Variants in PTGR2 observed in about 807,000 individuals in gnomAD.
PTGR2 encodes 15-oxoprostaglandin 13-reductase.
In PTGR2, 32 loss-of-function variants were observed where a neutral mutation model predicts 43.4. The ratio of observed to expected loss-of-function variants is 0.74; its 90% confidence interval spans 0.56 to 0.99. The LOEUF (loss-of-function observed/expected upper bound fraction) is 0.99, where lower values mean the gene tolerates loss of function less well. PTGR2 is among the 50% of genes least tolerant of loss of function. PTGR2 has a pLI of 0.00. For synonymous variants in PTGR2, 106 were observed against 139.2 expected, an observed-to-expected ratio of 0.76 and a Z score of 1.68; for missense variants, 373 against 420.0, an observed-to-expected ratio of 0.89 and a Z score of 0.98.
chr14:73,882,294 T>G, intron 8 of PTGR2, 105 bp from the exon 9 acceptor site: 1 of 700,878 alleles, frequency 1.4e-6, no homozygotes, highest in Non-Finnish European at 2.5e-6. Context: ...TATCTATTTT[T>G]AGACAAAGTG....
rs200670094 is a variant in PTGR2 at position 73,857,238 on chromosome 14, G to GTTTTT, written c.-47-1568_-47-1564dup. On this transcript the variant is annotated intron_variant, in intron 1 of 9. Coordinates refer to ENST00000555661, the MANE Select transcript of PTGR2 (RefSeq NM_001146154.2). ...TCAGCTAAACTATAAAGGAATTTCCGTTTTTTTTTTTTTTAATTCACCACT... is the reference window on the plus strand; with the variant it reads ...TCAGCTAAACTATAAAGGAATTTCCGTTTTTTTTTTTTTTTTTTTAATTCACCACT... Among the ~76,000 whole-genome samples, 936 of 144,540 alleles carry GTTTTT rather than the reference G, an allele frequency of 6.5e-3. 8 individuals carry two copies. Among genetic ancestry groups the GTTTTT allele is most frequent in the African/African-American group, 0.023 (907 of 38,712 alleles). The allele number at this position is 144,540 out of a possible 152,430, so 94.8% of individuals were successfully genotyped here. A position where few individuals can be genotyped will look rare whatever the true frequency, so the allele number is the denominator to read the frequency against.
chr14:73,860,359 C>T (rs948776497), intron 2 of PTGR2, among the ~76,000 whole-genome samples, 180 bp from the exon 3 acceptor site: 5 of 151,812 alleles, frequency 3.3e-5, no homozygotes, highest in Admixed American at 1.3e-4. Flanking sequence ...CCCAGCTACT[C>T]GGGAGGCTGA....
At chr14:73,869,426 G>T (rs2140254242) in intron 3 of PTGR2, among the ~76,000 whole-genome samples, 1 of 151,858 alleles carries the variant, frequency 6.6e-6, no homozygotes, top group South Asian at 2.1e-4. Context: ...GGAGGCTGAG[G>T]CGGGAGGATC....
At chr14:73,869,842 A>G (rs902292719) in intron 3 of PTGR2, among the ~76,000 whole-genome samples, 5 of 152,082 alleles carry the variant, frequency 3.3e-5, no homozygotes, top group Non-Finnish European at 7.4e-5. Context: ...CCTGGCCAAC[A>G]TGGTGAAACA....
chr14:73,857,052 A>G (rs1438199440), intron 1 of PTGR2, among the ~76,000 whole-genome samples: 2 of 151,816 alleles, frequency 1.3e-5, no homozygotes, highest in African/African-American at 2.4e-5. Flanking sequence ...TGGGAGGATC[A>G]CTTGAGCCCA....
intron 3 of PTGR2, among the ~76,000 whole-genome samples, chr14:73,873,011 T>C (rs554876257): frequency 6.6e-5 from 10 of 151,546 alleles, no homozygotes; most frequent in African/African-American, 1.9e-4. Context: ...TACAACATGA[T>C]GTTTTGAAAT....
At position 73,879,083 on chromosome 14, in the gene PTGR2, A is replaced by G. The variant is rs751141107; in HGVS notation, c.520-13A>G. 1.9e-6 allele frequency: 3 copies of G among 1,610,494 alleles called. No homozygotes were observed. Among genetic ancestry groups the G allele is most frequent in the Non-Finnish European group, 2.5e-6 (3 of 1,177,568 alleles). On this transcript the variant is annotated splice_polypyrimidine_tract_variant and intron_variant, in intron 5 of 9. Coordinates refer to ENST00000555661, the MANE Select transcript of PTGR2 (RefSeq NM_001146154.2). Reference sequence around the variant, plus strand: ...CAATATAAAGCCATTTAATCTTCAAATTTCCCCCCTAGATTGGCCATTTCT... The same window carrying G: ...CAATATAAAGCCATTTAATCTTCAAGTTTCCCCCCTAGATTGGCCATTTCT...
chr14:73,861,266 G>A (rs1049429922), intron 3 of PTGR2: 4 of 152,174 alleles, frequency 2.6e-5, no homozygotes, highest in Non-Finnish European at 4.4e-5. Context: ...ATAAGATTTA[G>A]TGAAAACGTA....
At chr14:73,874,569 G>A in intron 4 of PTGR2, 1 of 458,646 alleles carries the variant, frequency 2.2e-6, no homozygotes, top group Non-Finnish European at 4.4e-6. Context: ...TTCTTTGCTT[G>A]TTTGTTTGTT....
intron 4 of PTGR2, chr14:73,874,751 A>G: frequency 5.5e-6 from 2 of 361,798 alleles, no homozygotes; most frequent in Admixed American, 7.2e-5. Flanking sequence ...AAAAAGGGAA[A>G]GGGGAGGAAT....
At chr14:73,867,103 AAAAAAC>A (rs2054616368) in intron 3 of PTGR2, among the ~76,000 whole-genome samples, 1 of 139,558 alleles carries the variant, frequency 7.2e-6, no homozygotes, top group Admixed American at 7.6e-5. Context: ...AAAAAAAAAA[AAAAAAC>A]AAAAAAACAA....
chr14:73,883,806 A>AT (rs555731732), intron 9 of PTGR2, among the ~76,000 whole-genome samples: 18 of 148,434 alleles, frequency 1.2e-4, no homozygotes, highest in East Asian at 5.9e-4. Context: ...TTTTATTCCC[A>AT]TTTTTTTTTG....
In PTGR2 at chr14:73,874,171, C is replaced by G; in HGVS notation, c.305C>G (p.Pro102Arg). 6.2e-7 allele frequency: 1 copy of G among 1,613,816 alleles called. No homozygotes were observed. The highest frequency in any genetic ancestry group is 8.5e-7 in the Non-Finnish European group (1 of 1,179,942). Residue 102 changes from proline to arginine, a missense_variant, in exon 4 of 10, where the codon CCC becomes CGC. Physicochemically the swap from Pro to Arg is moderately radical, Grantham distance 103 (BLOSUM62 -2). Coordinates refer to ENST00000555661, the MANE Select transcript of PTGR2 (RefSeq NM_001146154.2). ...KGDFVTSFYWPWQTKVILDGN... is the reference protein window; with the variant it reads ...KGDFVTSFYWRWQTKVILDGN... Reference sequence around the variant, plus strand: ...GATTTTGTGACTTCTTTCTATTGGCCCTGGCAAACCAAGGTTATTCTGGAT... The same window carrying G: ...GATTTTGTGACTTCTTTCTATTGGCGCTGGCAAACCAAGGTTATTCTGGAT...
intron 3 of PTGR2, among the ~76,000 whole-genome samples, chr14:73,866,720 C>T (rs2054603087): frequency 6.6e-6 from 1 of 151,988 alleles, no homozygotes; most frequent in African/African-American, 2.4e-5. Context: ...GATTGGTGGA[C>T]TGAAAAAAGC....
intron 3 of PTGR2, among the ~76,000 whole-genome samples, chr14:73,870,015 A>G (rs10438164): frequency 0.016 from 2,407 of 149,828 alleles, 55 homozygotes; most frequent in African/African-American, 0.056. Flanking sequence ...TGAGTGACAG[A>G]GACTCCGTCT....
At chr14:73,881,772 CTTTTTTTTTTTTTTTTT>C (rs57377878) in intron 8 of PTGR2, among the ~76,000 whole-genome samples, 1 of 69,242 alleles carries the variant, frequency 1.4e-5, no homozygotes, top group African/African-American at 6.9e-5. Flanking sequence ...CTAGGCTATT[CTTTTTTTTTTTTTTTTT>C]TTTTTTTTTT....
intron 3 of PTGR2, among the ~76,000 whole-genome samples, chr14:73,866,152 C>A (rs2054592529): frequency 6.6e-6 from 1 of 152,140 alleles, no homozygotes; most frequent in African/African-American, 2.4e-5. Flanking sequence ...CAGGCACCCA[C>A]CACCACACCT....
intron 4 of PTGR2, 93 bp from the exon 5 acceptor site, chr14:73,876,905 G>T: frequency 1.2e-6 from 1 of 845,094 alleles, no homozygotes; most frequent in Non-Finnish European, 1.9e-6. Flanking sequence ...AAATGTTGTG[G>T]GGACGCAATT....
intron 3 of PTGR2, among the ~76,000 whole-genome samples, chr14:73,863,478 C>T (rs2054538292): frequency 6.6e-6 from 1 of 151,742 alleles, no homozygotes; most frequent in African/African-American, 2.4e-5. Flanking sequence ...CCATGCCCGG[C>T]TAATTAAAAT....
Sources: allele counts gnomAD v4.1 joint callset (sites outside exome capture counted in the v4.1 genomes callset), GRCh38; gene constraint gnomAD v4.1.1; transcripts MANE v1.5; gene names NCBI Gene and HGNC (gene_info 2026-07-23, HGNC 2026-07-21).